Variants in DGKI observed in about 807,000 individuals in gnomAD.
DGKI encodes the protein diacylglycerol kinase iota, also known as DAG kinase iota.
In DGKI, 55 loss-of-function variants were observed where a neutral mutation model predicts 147.5. The ratio of observed to expected loss-of-function variants is 0.37; its 90% confidence interval spans 0.30 to 0.47. The LOEUF (loss-of-function observed/expected upper bound fraction) is 0.47, where lower values mean the gene tolerates loss of function less well. Ranked by LOEUF, DGKI falls within the 20% of genes least tolerant of loss-of-function variation. DGKI has a pLI of 1.00. For synonymous variants in DGKI, 469 were observed against 477.1 expected (o/e 0.98, Z 0.22); for missense variants, 1,007 against 1,323.8 (o/e 0.76, Z 3.71).
intron 1 of DGKI, among the ~76,000 whole-genome samples, chr7:137,792,803 G>C (rs1013486761): frequency 1.3e-5 from 2 of 152,190 alleles, no homozygotes; most frequent in South Asian, 2.1e-4. Context: ...TGACATGTCT[G>C]ATCTCCCTTT....
At chr7:137,603,913 G>C (rs1820082909) in intron 10 of DGKI, among the ~76,000 whole-genome samples, 1 of 152,150 alleles carries the variant, frequency 6.6e-6, no homozygotes, top group East Asian at 1.9e-4. Flanking sequence ...TATGCTGAGA[G>C]GCTTAGGCTT....
chr7:137,421,836 G>A (rs905461339), intron 28 of DGKI, among the ~76,000 whole-genome samples: 11 of 152,096 alleles, frequency 7.2e-5, no homozygotes, highest in African/African-American at 2.2e-4. Context: ...TGATCCTTTC[G>A]ACCTGGTGAT....
chr7:137,493,883 A>G lies in DGKI; in HGVS notation c.2249-6194T>C, dbSNP rs1192121794. On this transcript the variant is annotated intron_variant, in intron 21 of 32. Coordinates refer to ENST00000614521, the MANE Select transcript of DGKI (RefSeq NM_001321708.2). ...CAGAATATGGACAGGAATGAAGATC[A>G]TCGAGATTCAGGAGAAAGTTAACAC... 4.6e-6 allele frequency: 3 copies of G among 648,326 alleles called. No homozygotes were observed. The East Asian group carries it at 8.2e-5, about 18-fold the overall frequency. The allele number at this position is 648,326 out of a possible 1,614,324, so 40.2% of individuals were successfully genotyped here. A position where few individuals can be genotyped will look rare whatever the true frequency, so the allele number is the denominator to read the frequency against.
intron 8 of DGKI, among the ~76,000 whole-genome samples, chr7:137,619,581 A>G (rs1231065977): frequency 6.6e-6 from 1 of 152,202 alleles, no homozygotes; most frequent in African/African-American, 2.4e-5. Flanking sequence ...CACATGAATG[A>G]GGAGGCAACA....
chr7:137,563,338 C>G (rs563235232), intron 19 of DGKI, among the ~76,000 whole-genome samples: 1 of 151,862 alleles, frequency 6.6e-6, no homozygotes, highest in African/African-American at 2.4e-5. Context: ...CCCATGTAAT[C>G]AGGAACAATA....
intron 20 of DGKI, among the ~76,000 whole-genome samples, chr7:137,530,961 C>T (rs372483029): frequency 3.9e-5 from 6 of 151,996 alleles, no homozygotes; most frequent in Admixed American, 1.3e-4. Context: ...ACGAAGATGC[C>T]GTCTTCTGCC....
chr7:137,599,668 GA>G (rs1819918684), intron 11 of DGKI, among the ~76,000 whole-genome samples, 154 bp downstream of exon 11: 1 of 152,188 alleles, frequency 6.6e-6, no homozygotes, highest in Non-Finnish European at 1.5e-5. Context: ...GAGTAGGAGA[GA>G]ACTTTGGATG....
At chr7:137,574,911 T>C (rs1818917822) in intron 17 of DGKI, among the ~76,000 whole-genome samples, 1 of 152,238 alleles carries the variant, frequency 6.6e-6, no homozygotes, top group South Asian at 2.1e-4. Context: ...TTAGAAACAC[T>C]GACTTCACCC....
intron 21 of DGKI, among the ~76,000 whole-genome samples, chr7:137,514,601 C>T (rs1012770731): frequency 2.6e-5 from 4 of 152,192 alleles, no homozygotes; most frequent in Non-Finnish European, 5.9e-5. Flanking sequence ...GTCTCCTTTG[C>T]TGAATCCTCT....
chr7:137,398,161 C>G (rs1417087173), intron 30 of DGKI, among the ~76,000 whole-genome samples: 1 of 152,150 alleles, frequency 6.6e-6, no homozygotes, highest in Non-Finnish European at 1.5e-5. Context: ...TATTAAACAC[C>G]TGCCTATACA....
At chr7:137,800,376 T>C (rs10216067) in intron 1 of DGKI, among the ~76,000 whole-genome samples, 4,778 of 152,148 alleles carry the variant, frequency 0.031, 273 homozygotes, top group African/African-American at 0.11. Context: ...CATGGCTTGG[T>C]GCTGTCCTCA....
At chr7:137,719,369 G>A (rs1242583290) in intron 1 of DGKI, among the ~76,000 whole-genome samples, 2 of 151,920 alleles carry the variant, frequency 1.3e-5, no homozygotes, top group Non-Finnish European at 2.9e-5. Context: ...TGCCGCATTT[G>A]GTCAACAGAT....
intron 1 of DGKI, among the ~76,000 whole-genome samples, chr7:137,761,297 T>C (rs893273291): frequency 6.6e-6 from 1 of 152,218 alleles, no homozygotes; most frequent in Non-Finnish European, 1.5e-5. Context: ...GACTTCGGCA[T>C]CCTTTCATTT....
chr7:137,425,143 AC>A (rs1266861989), intron 28 of DGKI, among the ~76,000 whole-genome samples: 2 of 151,986 alleles, frequency 1.3e-5, no homozygotes, highest in East Asian at 3.9e-4. Flanking sequence ...GCTGGGAGGC[AC>A]CCCCCAGTAG....
At chr7:137,492,294 T>C (rs980722536) in intron 21 of DGKI, among the ~76,000 whole-genome samples, 31 of 152,240 alleles carry the variant, frequency 2.0e-4, no homozygotes, top group Non-Finnish European at 4.0e-4. Flanking sequence ...CCAGGCAAGA[T>C]AGCTGAACAG....
chr7:137,808,409 A>T (rs1274364585), intron 1 of DGKI, among the ~76,000 whole-genome samples: 1 of 152,182 alleles, frequency 6.6e-6, no homozygotes, highest in East Asian at 1.9e-4. Context: ...TATTTCATTT[A>T]CTTGTCACAA....
intron 1 of DGKI, among the ~76,000 whole-genome samples, chr7:137,742,503 T>C (rs998144520): frequency 1.3e-5 from 2 of 152,078 alleles, no homozygotes; most frequent in Non-Finnish European, 2.9e-5. Context: ...ATGCCCACAG[T>C]AGCTCCCGTC....
At chr7:137,647,787 G>A (rs1457752369) in intron 5 of DGKI, among the ~76,000 whole-genome samples, 1 of 152,218 alleles carries the variant, frequency 6.6e-6, no homozygotes, top group African/African-American at 2.4e-5. Flanking sequence ...TGCCTGCTTA[G>A]GAATAAGGGT....
intron 23 of DGKI, among the ~76,000 whole-genome samples, chr7:137,470,495 G>A (rs181368792): frequency 6.6e-6 from 1 of 152,144 alleles, no homozygotes; most frequent in East Asian, 1.9e-4. Flanking sequence ...GCTCTCAATA[G>A]TTCCCTCTCT....
Sources: gnomAD v4.1 joint callset for allele counts (sites outside exome capture counted in the v4.1 genomes callset) on GRCh38, gnomAD v4.1.1 for gene constraint, MANE v1.5 for transcripts, NCBI Gene and HGNC (gene_info 2026-07-23, HGNC 2026-07-21) for gene names.